PVALB: variants seen among roughly 807,000 people sequenced by gnomAD.
PVALB encodes parvalbumin alpha.
A neutral mutation model predicts 10.9 loss-of-function variants in PVALB; 11 were observed. The observed-to-expected ratio is 1.01, with a 90% CI of 0.63 to 1.67. The LOEUF (loss-of-function observed/expected upper bound fraction) is 1.67, where lower values mean the gene tolerates loss of function less well. Among genes scored for constraint, PVALB ranks in the 40% most tolerant of loss-of-function variants. The probability of loss-of-function intolerance (pLI) is 0.00; values close to 1 mark genes in which losing one functional copy is unlikely to be tolerated. For missense variants in PVALB, 131 were observed against 136.2 expected, an observed-to-expected ratio of 0.96 and a Z score of 0.19; for synonymous variants, 57 against 50.7, an observed-to-expected ratio of 1.12 and a Z score of -0.53.
chr22:36,800,987 T>A, intron 3 of PVALB, 69 bp from the exon 4 acceptor site: 1 of 1,487,208 alleles, frequency 6.7e-7, no homozygotes, highest in Non-Finnish European at 9.4e-7. Flanking sequence ...CACACCTGAC[T>A]GCGGGGCCCT....
At chr22:36,815,046 C>G (rs1187711413) in intron 2 of PVALB, 57 bp downstream of exon 2, 1 of 1,602,492 alleles carries the variant, frequency 6.2e-7, no homozygotes, top group East Asian at 2.2e-5. Flanking sequence ...AGAGTCCCAG[C>G]CCCCACTCCC....
At position 36,813,740 on chromosome 22, in the gene PVALB, G is replaced by T. The variant is rs1301473651; in HGVS notation, c.210C>A (p.Gly70=). 1 of 1,613,246 alleles carries T rather than the reference G, an allele frequency of 6.2e-7. No homozygotes were observed. The highest frequency in any genetic ancestry group is 1.3e-5 in the African/African-American group (1 of 75,030). ...EEDELGFILK[G]FSPDARDLSA... is the part of the protein sequence containing the mutation. Reference sequence around the variant, plus strand: ...ACAGGTCTCTGGCATCTGGGGAGAAGCCTTTTAGGATGAATCTGGAGGAGA... The same window carrying T: ...ACAGGTCTCTGGCATCTGGGGAGAATCCTTTTAGGATGAATCTGGAGGAGA... The change falls in exon 3 of 4, where the codon GGC becomes GGA. Residue 70 remains glycine (G), a synonymous_variant. Transcript: ENST00000417718.
rs751976698 is a variant in PVALB, at chr22:36,813,688, C to CCAT, written c.259_261dup (p.Met87dup). The CCAT allele has an allele frequency of 5.0e-6, 8 of 1,614,130 alleles. No homozygotes were observed. The South Asian group carries it at 8.8e-5, about 18-fold the overall frequency. On this transcript the variant is annotated inframe_insertion, in exon 3 of 4. Coordinates refer to ENST00000417718, the MANE Select transcript of PVALB (RefSeq NM_001315532.2). ...CCGTCCCCATCTTTGTCTCCAGCAG[C>CCAT]CATCAGCATCTTGGTTTCTTTAGCA...
At chr22:36,802,476 C>A (rs941644432) in intron 3 of PVALB, among the ~76,000 whole-genome samples, 3 of 151,862 alleles carry the variant, frequency 2.0e-5, no homozygotes, top group African/African-American at 7.3e-5. Context: ...TGGCGCACAC[C>A]TGTAGTCCCA....
intron 3 of PVALB, among the ~76,000 whole-genome samples, chr22:36,807,819 TCA>T (rs1175500239): frequency 2.0e-5 from 3 of 152,172 alleles, no homozygotes; most frequent in African/African-American, 7.2e-5. Flanking sequence ...CTCACGCCTC[TCA>T]CGGTAAATAG....
At position 36,815,248 on chromosome 22, in the gene PVALB, G is replaced by C. The variant is rs763892745; in HGVS notation, c.62-13C>G. 1 of 1,614,002 alleles carries C rather than the reference G, an allele frequency of 6.2e-7. No individual in the cohort carries two copies. Among genetic ancestry groups the C allele is most frequent in the Non-Finnish European group, 8.5e-7 (1 of 1,179,970 alleles). On this transcript the variant is annotated splice_polypyrimidine_tract_variant and intron_variant, in intron 1 of 3. Coordinates refer to ENST00000417718, the MANE Select transcript of PVALB (RefSeq NM_001315532.2). ...AAGGAGTCGGTAGCTGTGGGGGGAAGAGCAGGGTCAAACAAGGACCAGAAA... is the reference window on the plus strand; with the variant it reads ...AAGGAGTCGGTAGCTGTGGGGGGAACAGCAGGGTCAAACAAGGACCAGAAA...
chr22:36,815,758 C>T (rs1939129397), intron 1 of PVALB, among the ~76,000 whole-genome samples: 1 of 152,050 alleles, frequency 6.6e-6, no homozygotes, highest in African/African-American at 2.4e-5. Context: ...GGGGCAAACC[C>T]GGAAGTCCTG....
upstream of PVALB, chr22:36,819,394 A>T (rs988624968): frequency 3.9e-5 from 6 of 152,082 alleles, no homozygotes; most frequent in African/African-American, 1.5e-4. Flanking sequence ...ATCCTGCTGC[A>T]TCCCTCTATC....
At chr22:36,816,748 G>A (rs1376303820) in intron 1 of PVALB, among the ~76,000 whole-genome samples, 197 bp downstream of exon 1, 1 of 152,172 alleles carries the variant, frequency 6.6e-6, no homozygotes, top group Non-Finnish European at 1.5e-5. Flanking sequence ...TTCCCCGCCC[G>A]CTCCCCGCGC....
Position 36,813,470 on chromosome 22 carries a change from T to C in PVALB, c.304+176A>G, listed in dbSNP as rs1601523282. The C allele has an allele frequency of 1.1e-5, 6 of 563,880 alleles. 1 individual carries two copies. The South Asian group carries it at 1.6e-4, about 15-fold the overall frequency. The allele number at this position is 563,880 out of a possible 1,614,324, so 34.9% of individuals were successfully genotyped here. On this transcript the variant is annotated intron_variant, in intron 3 of 3. Coordinates refer to ENST00000417718, the MANE Select transcript of PVALB (RefSeq NM_001315532.2). ...TTAGGAAAATACACCAGTTTTCCTT[T>C]GTCTGGAGTATGTGGCAGAGCTCTC...
At chr22:36,815,431 G>A (rs1939123745) in intron 1 of PVALB, 196 bp from the exon 2 acceptor site, 1 of 696,620 alleles carries the variant, frequency 1.4e-6, no homozygotes. Context: ...AAGGCTGGGA[G>A]TGGAAGAGGT....
Position 36,813,377 on chromosome 22 carries a change from A to T in PVALB, c.304+269T>A. ...ATGCAGGCAGAGTTCAGGAAAAAAA[A>T]ATCCCAAATCCTCCTGGATCCCCTA... is the stretch of plus-strand genomic sequence containing the variant. On this transcript the variant is annotated intron_variant, in intron 3 of 3. Transcript: ENST00000417718. The T allele has an allele frequency of 7.1e-6, 3 of 423,346 alleles. No homozygotes were observed. In the South Asian group the frequency reaches 1.3e-4, roughly 18 times the overall value. 26.2% of individuals were successfully genotyped at this position (423,346 alleles called of 1,614,324 possible). A position where few individuals can be genotyped will look rare whatever the true frequency, so the allele number is the denominator to read the frequency against.
At chr22:36,815,377 G>A (rs1211806543) in intron 1 of PVALB, 142 bp from the exon 2 acceptor site, 4 of 1,158,186 alleles carry the variant, frequency 3.5e-6, no homozygotes, top group Non-Finnish European at 4.9e-6. Flanking sequence ...CCATTGGAGG[G>A]CTGAGGGAGC....
Position 36,813,701 on chromosome 22 carries a change from G to A in PVALB, c.249C>T (p.Thr83=), listed in dbSNP as rs1939083986. ...TGTCTCCAGCAGCCATCAGCATCTT[G>A]GTTTCTTTAGCAGACAGGTCTCTGG... is the stretch of plus-strand genomic sequence containing the variant. ...PDARDLSAKE[T]KMLMAAGDKD... Residue 83 remains threonine (T), a synonymous_variant, in exon 3 of 4, where the codon ACC becomes ACT. Transcript: ENST00000417718. 1 of 1,614,088 alleles carries A rather than the reference G, an allele frequency of 6.2e-7. No individual in the cohort carries two copies. Among genetic ancestry groups the A allele is most frequent in the Non-Finnish European group, 8.5e-7 (1 of 1,180,012 alleles).
intron 2 of PVALB, 106 bp from the exon 3 acceptor site, chr22:36,813,861 G>A (rs1181989962): frequency 8.1e-6 from 7 of 866,456 alleles, no homozygotes. Context: ...AGGGATGGCT[G>A]GGACAGGCAG....
At chr22:36,811,571 G>C in intron 3 of PVALB, 2 of 430,752 alleles carry the variant, frequency 4.6e-6, no homozygotes, top group South Asian at 3.4e-5. Flanking sequence ...GTGTGGCAGG[G>C]AGGGAGGGAG....
chr22:36,810,105 G>A (rs183880425), intron 3 of PVALB, among the ~76,000 whole-genome samples: 1 of 152,036 alleles, frequency 6.6e-6, no homozygotes, highest in Non-Finnish European at 1.5e-5. Context: ...GGCTGGTCTC[G>A]AACTCCTGAC....
upstream of PVALB, chr22:36,817,043 G>T (rs898084486): frequency 7.6e-6 from 12 of 1,583,698 alleles, no homozygotes; most frequent in African/African-American, 1.5e-4. Flanking sequence ...AGTGCGAAAA[G>T]ATTAAAAAGT....
At chr22:36,805,326 G>A (rs1052382687) in intron 3 of PVALB, among the ~76,000 whole-genome samples, 1 of 152,106 alleles carries the variant, frequency 6.6e-6, no homozygotes, top group Non-Finnish European at 1.5e-5. Flanking sequence ...TAAAGCTCTC[G>A]GTCACAGGCC....
Sources: gnomAD v4.1 joint callset for allele counts (sites outside exome capture counted in the v4.1 genomes callset) on GRCh38, gnomAD v4.1.1 for gene constraint, MANE v1.5 for transcripts, NCBI Gene and HGNC (gene_info 2026-07-23, HGNC 2026-07-21) for gene names.